SYT9: variants seen among roughly 807,000 people sequenced by gnomAD.
SYT9 encodes synaptotagmin-9.
SYT9 carries 22 observed loss-of-function variants against 48.4 expected under a neutral mutation model. That is an observed-to-expected ratio of 0.45 (90% CI 0.32 to 0.65). The LOEUF is 0.65. Among genes scored for constraint, SYT9 ranks in the 30% least tolerant of loss-of-function variants. The pLI, the probability that SYT9 is intolerant of heterozygous loss-of-function variation, is 0.03. For synonymous variants in SYT9, 265 were observed against 245.0 expected, an observed-to-expected ratio of 1.08 and a Z score of -0.76; for missense variants, 577 against 622.0, an observed-to-expected ratio of 0.93 and a Z score of 0.77.
At chr11:7,275,161 T>C (rs1174921166) in intron 1 of SYT9, among the ~76,000 whole-genome samples, 1 of 152,058 alleles carries the variant, frequency 6.6e-6, no homozygotes, top group Non-Finnish European at 1.5e-5. Flanking sequence ...CCAGCCCTGC[T>C]CCAGCAGATT....
intron 1 of SYT9, among the ~76,000 whole-genome samples, chr11:7,260,981 T>G (rs1048933892): frequency 2.0e-5 from 3 of 152,190 alleles, no homozygotes; most frequent in African/African-American, 7.2e-5. Context: ...CAGTCTGTTT[T>G]CTCTGAAGTT....
Position 7,416,025 on chromosome 11 carries a change from T to G in SYT9, c.1045-17T>G. On this transcript the variant is annotated splice_polypyrimidine_tract_variant and intron_variant, in intron 3 of 6. Transcript: ENST00000318881. ...TGGAGACACTTTCTAATACTTTAGT[T>G]TGTGCTTTCTCAACAGGACAACGTG... 1 of 1,614,044 alleles carries G rather than the reference T, an allele frequency of 6.2e-7. No homozygotes were observed.
intron 3 of SYT9, among the ~76,000 whole-genome samples, chr11:7,342,562 T>C (rs1284251704): frequency 1.3e-5 from 2 of 152,214 alleles, no homozygotes; most frequent in Non-Finnish European, 2.9e-5. Context: ...CTTGGGCAGC[T>C]CTGCCCCTGT....
chr11:7,417,479 G>A (rs988816354), intron 4 of SYT9, among the ~76,000 whole-genome samples: 3 of 152,078 alleles, frequency 2.0e-5, no homozygotes, highest in African/African-American at 7.2e-5. Flanking sequence ...GGGGCTCAAG[G>A]TCTCTATACT....
intron 6 of SYT9, among the ~76,000 whole-genome samples, chr11:7,452,770 A>T (rs988773315): frequency 1.3e-5 from 2 of 152,036 alleles, no homozygotes; most frequent in Non-Finnish European, 2.9e-5. Flanking sequence ...GCTTCTAGGA[A>T]CAGAAAACCT....
chr11:7,269,747 C>A (rs1008131810), intron 1 of SYT9, among the ~76,000 whole-genome samples: 15 of 152,150 alleles, frequency 9.9e-5, no homozygotes, highest in African/African-American at 3.6e-4. Context: ...ATTGCCATCC[C>A]TAGCTACAAG....
At chr11:7,314,017 C>A in intron 3 of SYT9, 76 bp downstream of exon 3, 1 of 1,498,886 alleles carries the variant, frequency 6.7e-7, no homozygotes, top group Non-Finnish European at 9.0e-7. Flanking sequence ...TACACATTAT[C>A]TTGAGGACAA....
chr11:7,310,223 A>G (rs1300220731), intron 2 of SYT9, among the ~76,000 whole-genome samples: 5 of 151,856 alleles, frequency 3.3e-5, no homozygotes, highest in African/African-American at 1.2e-4. Context: ...AACCTCTGCC[A>G]CCTGGGTTTA....
At chr11:7,302,997 G>C (rs1203020616) in intron 1 of SYT9, 42 bp from the exon 2 acceptor site, 8 of 1,573,378 alleles carry the variant, frequency 5.1e-6, no homozygotes, top group South Asian at 2.3e-5. Flanking sequence ...GTGGGCTTGA[G>C]GGGAATGACC....
At chr11:7,270,848 C>G (rs1212994019) in intron 1 of SYT9, among the ~76,000 whole-genome samples, 1 of 146,670 alleles carries the variant, frequency 6.8e-6, no homozygotes, top group East Asian at 2.0e-4. Flanking sequence ...CACACACACA[C>G]ACACACACAC....
chr11:7,368,935 A>G (rs927770103), intron 3 of SYT9, among the ~76,000 whole-genome samples: 1 of 152,224 alleles, frequency 6.6e-6, no homozygotes, highest in African/African-American at 2.4e-5. Flanking sequence ...TAGTGCTGCA[A>G]CAAACATATG....
chr11:7,306,393 G>A (rs184051095), intron 2 of SYT9, among the ~76,000 whole-genome samples: 1 of 152,250 alleles, frequency 6.6e-6, no homozygotes, highest in East Asian at 1.9e-4. Context: ...CCCCTTATCA[G>A]GTCTATTAAG....
intron 1 of SYT9, among the ~76,000 whole-genome samples, chr11:7,292,792 A>T (rs769716919): frequency 7.2e-5 from 11 of 152,204 alleles, no homozygotes; most frequent in Non-Finnish European, 1.3e-4. Flanking sequence ...AACATTGTAG[A>T]TTTTGCAAGC....
At chr11:7,298,664 T>G (rs571319709) in intron 1 of SYT9, among the ~76,000 whole-genome samples, 1 of 152,124 alleles carries the variant, frequency 6.6e-6, no homozygotes, top group East Asian at 1.9e-4. Flanking sequence ...CCACTTTTTT[T>G]TTAATGCTTG....
intron 3 of SYT9, among the ~76,000 whole-genome samples, chr11:7,348,155 A>G (rs962897854): frequency 3.9e-5 from 6 of 152,206 alleles, no homozygotes; most frequent in Non-Finnish European, 7.3e-5. Context: ...TGGTTTGGCC[A>G]CATTCTCCTA....
chr11:7,411,947 A>C (rs565646392), intron 3 of SYT9, among the ~76,000 whole-genome samples: 29 of 152,012 alleles, frequency 1.9e-4, no homozygotes, highest in Non-Finnish European at 3.8e-4. Context: ...AAAAGATTTC[A>C]AGTTCTGAGA....
chr11:7,412,410 C>A (rs746530580), intron 3 of SYT9, among the ~76,000 whole-genome samples: 4 of 152,198 alleles, frequency 2.6e-5, no homozygotes, highest in African/African-American at 4.8e-5. Context: ...TGGATGCAAG[C>A]AATAGCGTAG....
intron 1 of SYT9, among the ~76,000 whole-genome samples, chr11:7,268,603 G>A (rs1005655584): frequency 1.3e-5 from 2 of 151,942 alleles, no homozygotes; most frequent in African/African-American, 4.8e-5. Context: ...TAGTATTACA[G>A]TAATAGGTTT....
intron 3 of SYT9, among the ~76,000 whole-genome samples, chr11:7,376,235 G>A (rs1850449851): frequency 6.6e-6 from 1 of 151,674 alleles, no homozygotes; most frequent in South Asian, 2.1e-4. Context: ...AAATTTTAAA[G>A]TGAAAACCTA....
Sources: allele counts gnomAD v4.1 joint callset (sites outside exome capture counted in the v4.1 genomes callset), GRCh38; gene constraint gnomAD v4.1.1; transcripts MANE v1.5; gene names NCBI Gene and HGNC (gene_info 2026-07-23, HGNC 2026-07-21).